The following FBXL17 variants were observed in gnomAD, a reference collection of about 807,000 sequenced individuals.
FBXL17 encodes the protein F-box and leucine rich repeat protein 17, also known as F-box/LRR-repeat protein 17.
Under a neutral mutation model 66.2 loss-of-function variants are expected in FBXL17, and 22 were observed. The ratio of observed to expected loss-of-function variants is 0.33; its 90% CI spans 0.24 to 0.47. FBXL17 has a LOEUF of 0.47. Among genes scored for constraint, FBXL17 ranks in the 20% least tolerant of loss-of-function variants. FBXL17 has a pLI of 1.00. For missense variants in FBXL17, 878 were observed against 948.2 expected (o/e 0.93, Z 0.97); for synonymous variants, 474 against 400.5 (o/e 1.18, Z -2.19).
intron 4 of FBXL17, among the ~76,000 whole-genome samples, chr5:108,247,844 C>T (rs562815613): frequency 8.5e-5 from 13 of 152,264 alleles, no homozygotes; most frequent in Admixed American, 2.6e-4. Flanking sequence ...TTCAAGTCAA[C>T]GCTTCCAGTT....
At chr5:108,350,117 G>C (rs1034313512) in intron 3 of FBXL17, among the ~76,000 whole-genome samples, 3 of 152,174 alleles carry the variant, frequency 2.0e-5, no homozygotes, top group Admixed American at 2.0e-4. Flanking sequence ...AAAGCCAACA[G>C]TGGGAAAAGC....
In FBXL17 at chr5:108,301,610, T is replaced by C. The variant is rs991061856; in HGVS notation, c.1506+46789A>G. The stretch of plus-strand genomic sequence containing the variant: ...TTAAATTGCAGTACCATAGGTCTAA[T>C]CTCAAGAAAAAAGACAAACACTGGA... On this transcript the variant is annotated intron_variant, in intron 4 of 8. Coordinates refer to ENST00000542267, the MANE Select transcript of FBXL17 (RefSeq NM_001163315.3). Among the ~76,000 whole-genome samples, 3 of 151,760 alleles carry C rather than the reference T, an allele frequency of 2.0e-5. No homozygotes were observed. The Admixed American group carries it at 2.0e-4, about 10-fold the overall frequency.
At chr5:108,032,656 C>T (rs768409440) in intron 6 of FBXL17, among the ~76,000 whole-genome samples, 1 of 152,168 alleles carries the variant, frequency 6.6e-6, no homozygotes, top group Non-Finnish European at 1.5e-5. Flanking sequence ...GCTGGAAAGA[C>T]AAGGATTGGA....
chr5:107,918,106 T>A (rs765791194), intron 7 of FBXL17, among the ~76,000 whole-genome samples: 55 of 152,174 alleles, frequency 3.6e-4, no homozygotes, highest in Non-Finnish European at 7.8e-4. Flanking sequence ...AGACTTTTGG[T>A]GAGCATCCAG....
chr5:108,158,875 T>C (rs1752100535), intron 6 of FBXL17, among the ~76,000 whole-genome samples: 1 of 152,152 alleles, frequency 6.6e-6, no homozygotes, highest in African/African-American at 2.4e-5. Context: ...GCTAAAACAA[T>C]AAAAGAAAGC....
chr5:107,986,776 C>T (rs1274395882), intron 7 of FBXL17, among the ~76,000 whole-genome samples: 1 of 151,806 alleles, frequency 6.6e-6, no homozygotes, highest in Admixed American at 6.6e-5. Flanking sequence ...ACTGTACAAC[C>T]CTATTTATAA....
Position 108,321,131 on chromosome 5 carries a change from G to A in FBXL17, c.1506+27268C>T, listed in dbSNP as rs558623376. Among the ~76,000 whole-genome samples the A allele has an allele frequency of 1.1e-4, 17 of 151,722 alleles. No homozygotes were observed. In the South Asian group the frequency reaches 1.7e-3, roughly 15 times the overall value. On this transcript the variant is annotated intron_variant, in intron 4 of 8. Coordinates refer to ENST00000542267, the MANE Select transcript of FBXL17 (RefSeq NM_001163315.3). Reference sequence around the variant, plus strand: ...ACATCCAATATAACTGCTGATGCTCGTAAGAAATTATTACTACTATTACCT... The same window carrying A: ...ACATCCAATATAACTGCTGATGCTCATAAGAAATTATTACTACTATTACCT...
chr5:108,229,070 CA>C lies in FBXL17; in HGVS notation c.1507-4843del, dbSNP rs376071024. On this transcript the variant is annotated intron_variant, in intron 4 of 8. Coordinates refer to ENST00000542267, the MANE Select transcript of FBXL17 (RefSeq NM_001163315.3). Reference sequence around the variant, plus strand: ...GTCACTTTGGAGCTTGTTAAAAATGCAAAATCTGTAGATTGCTTTTAGCAGT... The same window carrying C: ...GTCACTTTGGAGCTTGTTAAAAATGCAAATCTGTAGATTGCTTTTAGCAGT... Among the ~76,000 whole-genome samples the C allele has an allele frequency of 4.6e-3, 704 of 152,182 alleles. 7 individuals carry two copies. Among genetic ancestry groups the C allele is most frequent in the African/African-American group, 0.016 (664 of 41,546 alleles).
At chr5:107,892,718 C>T (rs533751828) in intron 7 of FBXL17, among the ~76,000 whole-genome samples, 4 of 152,132 alleles carry the variant, frequency 2.6e-5, no homozygotes, top group African/African-American at 7.2e-5. Flanking sequence ...TAAAACTAAA[C>T]ATGGAAAATG....
intron 8 of FBXL17, among the ~76,000 whole-genome samples, chr5:107,877,969 G>A (rs1043921638): frequency 1.3e-5 from 2 of 151,562 alleles, no homozygotes; most frequent in African/African-American, 4.9e-5. Context: ...CTATTATTTT[G>A]TTACTTTCTG....
intron 5 of FBXL17, among the ~76,000 whole-genome samples, chr5:108,210,086 A>G (rs61062990): frequency 0.013 from 1,952 of 152,202 alleles, 35 homozygotes; most frequent in African/African-American, 0.043. Flanking sequence ...CAGATTTTCT[A>G]GTTTATTTGC....
At chr5:108,105,618 A>G (rs369806287) in intron 6 of FBXL17, among the ~76,000 whole-genome samples, 36 of 152,330 alleles carry the variant, frequency 2.4e-4, no homozygotes, top group Middle Eastern at 3.4e-3. Flanking sequence ...CCATATAGTC[A>G]TCTCTTAATT....
At chr5:108,037,713 G>A (rs1746898713) in intron 6 of FBXL17, among the ~76,000 whole-genome samples, 1 of 152,106 alleles carries the variant, frequency 6.6e-6, no homozygotes, top group African/African-American at 2.4e-5. Context: ...GGGGCAATAA[G>A]ATCTACCTCA....
intron 4 of FBXL17, among the ~76,000 whole-genome samples, chr5:108,345,072 C>T (rs1455510710): frequency 6.6e-6 from 1 of 152,110 alleles, no homozygotes; most frequent in Non-Finnish European, 1.5e-5. Flanking sequence ...CGGTGGCTCA[C>T]ACCTGTAATC....
chr5:108,320,822 G>A (rs1236938865), intron 4 of FBXL17, among the ~76,000 whole-genome samples: 1 of 151,658 alleles, frequency 6.6e-6, no homozygotes, highest in Non-Finnish European at 1.5e-5. Context: ...GGTTATCTTC[G>A]AACAGGGTTT....
chr5:108,248,456 C>G (rs754941047), intron 4 of FBXL17, among the ~76,000 whole-genome samples: 4 of 152,016 alleles, frequency 2.6e-5, no homozygotes, highest in African/African-American at 4.8e-5. Context: ...TAGACACCTA[C>G]GTGACTATGA....
intron 6 of FBXL17, among the ~76,000 whole-genome samples, chr5:108,052,177 A>C (rs1747511713): frequency 6.6e-6 from 1 of 151,948 alleles, no homozygotes. Context: ...CACCACTCCT[A>C]TTCAACATAG....
chr5:108,070,418 T>C (rs1748283278), intron 6 of FBXL17, among the ~76,000 whole-genome samples: 1 of 152,200 alleles, frequency 6.6e-6, no homozygotes, highest in Non-Finnish European at 1.5e-5. Flanking sequence ...GATAATACCA[T>C]GAAGAACTAA....
chr5:108,021,261 G>A (rs1031707852), intron 6 of FBXL17, among the ~76,000 whole-genome samples: 5 of 150,304 alleles, frequency 3.3e-5, no homozygotes, highest in South Asian at 2.1e-4. Flanking sequence ...GTTACATTTG[G>A]TAATAAAAGA....
Sources: allele counts gnomAD v4.1 joint callset (sites outside exome capture counted in the v4.1 genomes callset), GRCh38; gene constraint gnomAD v4.1.1; transcripts MANE v1.5; gene names NCBI Gene and HGNC (gene_info 2026-07-23, HGNC 2026-07-21).